HSF2BP: variants seen among roughly 807,000 people sequenced by gnomAD.
HSF2BP encodes the protein heat shock factor 2-binding protein.
In HSF2BP, 35 loss-of-function variants were observed where a neutral mutation model predicts 35.0. The ratio of observed to expected loss-of-function variants is 1.00; its 90% CI spans 0.76 to 1.32. The LOEUF is 1.32. Among genes scored for constraint, HSF2BP ranks in the 40% most tolerant of loss-of-function variants. HSF2BP has a pLI of 0.00. For synonymous variants in HSF2BP, 114 were observed against 117.4 expected (o/e 0.97, Z 0.18); for missense variants, 326 against 321.7 (o/e 1.01, Z -0.10).
chr21:43,632,500 G>A (rs1488402957), intron 5 of HSF2BP, among the ~76,000 whole-genome samples: 1 of 141,292 alleles, frequency 7.1e-6, no homozygotes, highest in East Asian at 2.2e-4. Flanking sequence ...CACACACACA[G>A]TTGAACCTTG....
At chr21:43,574,275 A>C (rs1206024801) in intron 8 of HSF2BP, among the ~76,000 whole-genome samples, 1 of 151,462 alleles carries the variant, frequency 6.6e-6, no homozygotes, top group Non-Finnish European at 1.5e-5. Flanking sequence ...ACTCCTCTGA[A>C]GACATCAGCA....
At chr21:43,602,921 T>C (rs1465660762) in intron 7 of HSF2BP, among the ~76,000 whole-genome samples, 1 of 152,140 alleles carries the variant, frequency 6.6e-6, no homozygotes, top group Non-Finnish European at 1.5e-5. Context: ...TGCCATCCCC[T>C]TCAATAACAC....
intron 7 of HSF2BP, among the ~76,000 whole-genome samples, chr21:43,598,273 C>T (rs549072544): frequency 2.6e-5 from 4 of 151,930 alleles, no homozygotes; most frequent in East Asian, 1.9e-4. Context: ...GGTGCAATCT[C>T]GGCTCCCTGC....
At chr21:43,499,978 A>G in the HSF2BP span, among the ~76,000 whole-genome samples, 1 of 88,660 alleles carries the variant, frequency 1.1e-5, no homozygotes, top group Non-Finnish European at 2.2e-5. Flanking sequence ...CACACATCAC[A>G]CATATACCAC....
chr21:43,651,511 C>T (rs1601730296), intron 3 of HSF2BP, among the ~76,000 whole-genome samples: 2 of 152,256 alleles, frequency 1.3e-5, no homozygotes, highest in East Asian at 3.9e-4. Flanking sequence ...CAAACCTATC[C>T]TACACTCACC....
chr21:43,581,053 C>T (rs542548432), intron 8 of HSF2BP, among the ~76,000 whole-genome samples: 44 of 152,236 alleles, frequency 2.9e-4, no homozygotes, highest in Non-Finnish European at 1.2e-4. Flanking sequence ...GGGCACACTG[C>T]CCTCAAGGGA....
chr21:43,633,715 C>T (rs942302901), intron 4 of HSF2BP, among the ~76,000 whole-genome samples: 4 of 152,106 alleles, frequency 2.6e-5, no homozygotes, highest in African/African-American at 9.7e-5. Context: ...ATCTCAAGCC[C>T]CAAGTAACTA....
At chr21:43,581,161 C>T (rs1466868915) in intron 8 of HSF2BP, among the ~76,000 whole-genome samples, 4 of 152,066 alleles carry the variant, frequency 2.6e-5, no homozygotes, top group South Asian at 2.1e-4. Flanking sequence ...ACGAGGCGGG[C>T]GGATCACGAG....
chr21:43,656,521 A>G (rs2082870273), intron 3 of HSF2BP, 66 bp downstream of exon 3: 1 of 1,450,858 alleles, frequency 6.9e-7, no homozygotes, highest in Non-Finnish European at 9.5e-7. Flanking sequence ...ACAATTATTT[A>G]CCTAGGGTAA....
chr21:43,644,421 A>T, intron 3 of HSF2BP, 29 bp from the exon 4 acceptor site: 1 of 1,542,306 alleles, frequency 6.5e-7, no homozygotes, highest in Non-Finnish European at 9.0e-7. Context: ...ATTACTCAAG[A>T]TATTTCAAGT....
At chr21:43,657,916 GCCCACGCCGTTAGGGGAGGAAGT>G in intron 2 of HSF2BP, 122 bp downstream of exon 2, 1 of 1,465,574 alleles carries the variant, frequency 6.8e-7, no homozygotes. Context: ...CTCCGGCCCA[GCCCACGCCGTTAGGGGAGGAAGT>G]CTCCAGGCTT....
intron 3 of HSF2BP, among the ~76,000 whole-genome samples, chr21:43,645,669 G>C (rs531608952): frequency 6.6e-6 from 1 of 152,320 alleles, no homozygotes; most frequent in East Asian, 1.9e-4. Flanking sequence ...CGATGAGTGA[G>C]AAAGCCTCAA....
intron 4 of HSF2BP, among the ~76,000 whole-genome samples, chr21:43,636,923 G>C (rs919997908): frequency 7.2e-6 from 1 of 139,480 alleles, no homozygotes; most frequent in South Asian, 2.3e-4. Context: ...AAGAAATAAA[G>C]AAAAATGAAA....
At chr21:43,640,050 C>T (rs892849559) in intron 4 of HSF2BP, among the ~76,000 whole-genome samples, 1 of 152,130 alleles carries the variant, frequency 6.6e-6, no homozygotes, top group Non-Finnish European at 1.5e-5. Context: ...GCCTGTAATC[C>T]CAGCACTTTG....
At chr21:43,638,678 A>T (rs1307554073) in intron 4 of HSF2BP, among the ~76,000 whole-genome samples, 1 of 152,252 alleles carries the variant, frequency 6.6e-6, no homozygotes, top group Non-Finnish European at 1.5e-5. Context: ...AAATGGAGAG[A>T]CATGCTATGT....
chr21:43,501,301 G>T, the HSF2BP span, among the ~76,000 whole-genome samples: 3 of 122,870 alleles, frequency 2.4e-5, 1 homozygote, highest in Admixed American at 2.3e-4. Context: ...GAAATCCCCT[G>T]CCGTCCTGCT....
chr21:43,573,529 G>A (rs1286119517), intron 8 of HSF2BP, among the ~76,000 whole-genome samples: 3 of 152,242 alleles, frequency 2.0e-5, no homozygotes, highest in Admixed American at 2.0e-4. Flanking sequence ...TGACCCTGCT[G>A]TAATCTTCAG....
At chr21:43,608,874 G>A (rs1196423811) in intron 7 of HSF2BP, among the ~76,000 whole-genome samples, 2 of 90,984 alleles carry the variant, frequency 2.2e-5, no homozygotes, top group African/African-American at 3.8e-5. Flanking sequence ...TTGGGAGGCC[G>A]AGGCAGAAGG....
At chr21:43,602,344 C>G (rs1209851978) in intron 7 of HSF2BP, among the ~76,000 whole-genome samples, 2 of 152,220 alleles carry the variant, frequency 1.3e-5, no homozygotes, top group Non-Finnish European at 2.9e-5. Flanking sequence ...AAAACGGGAG[C>G]TTGTGGGTGG....
Sources: gnomAD v4.1 joint callset for allele counts (sites outside exome capture counted in the v4.1 genomes callset) on GRCh38, gnomAD v4.1.1 for gene constraint, MANE v1.5 for transcripts, NCBI Gene and HGNC (gene_info 2026-07-23, HGNC 2026-07-21) for gene names.